CPT1B: variants seen among roughly 807,000 people sequenced by gnomAD.
The protein encoded by CPT1B is carnitine O-palmitoyltransferase 1, muscle isoform.
A neutral mutation model predicts 92.7 loss-of-function variants in CPT1B; 57 were observed. The ratio of observed to expected loss-of-function variants is 0.62; its 90% CI spans 0.50 to 0.77. CPT1B has a LOEUF of 0.77. Ranked by LOEUF, CPT1B falls within the 30% of genes least tolerant of loss-of-function variation. CPT1B has a pLI of 0.00. For synonymous variants in CPT1B, 398 were observed against 383.5 expected, an observed-to-expected ratio of 1.04 and a Z score of -0.44; for missense variants, 983 against 1,017.4, an observed-to-expected ratio of 0.97 and a Z score of 0.46.
In CPT1B at chr22:50,572,054, G is replaced by C; in HGVS notation, c.1527C>G (p.Asn509Lys). ...GCCGTGTAGGAGGTGCGAGCGCAGG[G>C]TTCGGTTTGCCCAGGCAGTGCCCGG... Reference protein sequence around the residue: ...TETGHCLGKPNPALAPPTRLQ... With the variant: ...TETGHCLGKPKPALAPPTRLQ... Residue 509 changes from asparagine (N) to lysine (K), a missense_variant, in exon 13 of 20, where the codon AAC (asparagine) becomes AAG (lysine). Asn to Lys is a moderately conservative substitution (Grantham distance 94). Coordinates refer to ENST00000312108, the MANE Select transcript of CPT1B (RefSeq NM_152246.3). The C allele has an allele frequency of 6.2e-7, 1 of 1,614,158 alleles. No individual in the cohort carries two copies. The highest frequency in any genetic ancestry group is 8.5e-7 in the Non-Finnish European group (1 of 1,180,006).
chr22:50,573,089 G>A lies in CPT1B; in HGVS notation c.1167-29C>T. On this transcript the variant is annotated intron_variant, in intron 10 of 19. Coordinates refer to ENST00000312108, the MANE Select transcript of CPT1B (RefSeq NM_152246.3). The surrounding 1 kb of genome is among the most constrained non-coding windows in gnomAD (Gnocchi z 5.0). ...AAGCATGGGGCAGGGTAAGCAGTGG[G>A]CACGTGGACTTGGGATGAGGGTGCC... is the stretch of plus-strand genomic sequence containing the variant. The A allele has an allele frequency of 6.4e-7, 1 of 1,570,806 alleles. No homozygotes were observed. Among genetic ancestry groups the A allele is most frequent in the Non-Finnish European group, 8.7e-7 (1 of 1,149,630 alleles).
Position 50,573,792 on chromosome 22 carries a change from G to A in CPT1B, c.971-77C>T, listed in dbSNP as rs569111354. On this transcript the variant is annotated intron_variant, in intron 9 of 19. Transcript: ENST00000312108. This position sits in a 1 kb window ranked among gnomAD's most constrained non-coding sequence, Gnocchi z 5.0. Reference sequence around the variant, plus strand: ...GGAAGGGCCCACCTCCCATGCACTAGGTGACCCCTGCAGACCCTGTTTTGC... The same window carrying A: ...GGAAGGGCCCACCTCCCATGCACTAAGTGACCCCTGCAGACCCTGTTTTGC... 2.1e-5 allele frequency: 28 copies of A among 1,336,302 alleles called. No individual in the cohort carries two copies. The East Asian group carries it at 6.9e-4, about 33-fold the overall frequency. The allele number at this position is 1,336,302 out of a possible 1,614,324, so 82.8% of individuals were successfully genotyped here.
At chr22:50,572,422 C>G (rs1439796197) in intron 11 of CPT1B, 114 bp from the exon 12 acceptor site, 7 of 676,960 alleles carry the variant, frequency 1.0e-5, no homozygotes, top group Admixed American at 2.8e-5. Flanking sequence ...CTCTTTTTCT[C>G]TCACTTTTTT....
In CPT1B at chr22:50,577,883, C is replaced by T. The variant is rs1270061398; in HGVS notation, c.33G>A (p.Gln11=). Reference sequence around the variant, plus strand: ...CGACCCCGTCTGGGGTCACCGTGAACTGGAAGGCCACGGCCTGGTGAGCTT... The same window carrying T: ...CGACCCCGTCTGGGGTCACCGTGAATTGGAAGGCCACGGCCTGGTGAGCTT... MAEAHQAVAF[Q]FTVTPDGVDF... The change falls in exon 2 of 20, where the codon CAG becomes CAA. Residue 11 remains glutamine (Q), a synonymous_variant. Coordinates refer to ENST00000312108, the MANE Select transcript of CPT1B (RefSeq NM_152246.3). 1 of 1,613,112 alleles carries T rather than the reference C, an allele frequency of 6.2e-7. No individual in the cohort carries two copies. The highest frequency in any genetic ancestry group is 8.5e-7 in the Non-Finnish European group (1 of 1,179,584).
rs967957286 is a variant in CPT1B at position 50,577,771 on chromosome 22, G to A, written c.141+4C>T. The A allele has an allele frequency of 1.2e-6, 2 of 1,612,666 alleles. No individual in the cohort carries two copies. The highest frequency in any genetic ancestry group is 1.3e-5 in the African/African-American group (1 of 75,048). On this transcript the variant is annotated splice_donor_region_variant and intron_variant, in intron 2 of 19. Coordinates refer to ENST00000312108, the MANE Select transcript of CPT1B (RefSeq NM_152246.3). ...TACGCTCTGGGAGAAGCACCTGTGC[G>A]CACCTTGATGCGGATCAGGCGTTTC...
rs2070424520 is a variant in CPT1B at position 50,576,176 on chromosome 22, G to A, written c.699+22C>T. 2.5e-6 allele frequency: 4 copies of A among 1,613,966 alleles called. No homozygotes were observed. In the African/African-American group the frequency reaches 4.0e-5, roughly 16 times the overall value. On this transcript the variant is annotated intron_variant, in intron 6 of 19. Coordinates refer to ENST00000312108, the MANE Select transcript of CPT1B (RefSeq NM_152246.3). ...GCCAGGACACATGGCAGGTGACAGT[G>A]AGCCCAGGGGCAGGAACTTACATAG...
At chr22:50,574,668 A>G (rs2070352450) in intron 7 of CPT1B, 68 bp from the exon 8 acceptor site, 3 of 1,271,396 alleles carry the variant, frequency 2.4e-6, no homozygotes, top group South Asian at 1.2e-5. Flanking sequence ...TGCTGACCCA[A>G]GGACCAATCT....
rs769269133 is a variant in CPT1B, at chr22:50,569,618, C to G, written c.2193G>C (p.Thr731=). 8 of 1,613,894 alleles carry G rather than the reference C, an allele frequency of 5.0e-6. No individual in the cohort carries two copies. The highest frequency in any genetic ancestry group is 6.8e-6 in the Non-Finnish European group (8 of 1,180,018). The stretch of plus-strand genomic sequence containing the variant: ...ACTTGCTGGAGATGTGGAAGAAGAT[C>G]GTGTTCTCGCCTGCAATCATGTAGG... The part of the protein sequence containing the change: ...GVSYMIAGEN[T]IFFHISSKFS... The change falls in exon 18 of 20, where the codon ACG becomes ACC. Residue 731 remains threonine (T), a synonymous_variant. Transcript: ENST00000312108.
chr22:50,575,036 A>AC (rs1399815993), intron 7 of CPT1B: 1 of 151,542 alleles, frequency 6.6e-6, no homozygotes, highest in Non-Finnish European at 1.5e-5. Flanking sequence ...TTTCTGAGAT[A>AC]GAGTCTCGCT....
intron 9 of CPT1B, 24 bp downstream of exon 9, chr22:50,574,311 G>A (rs1182479729): frequency 6.3e-7 from 1 of 1,592,132 alleles, no homozygotes; most frequent in Admixed American, 1.8e-5. Context: ...TGGCCCACAG[G>A]TAGCAGCGAG....
chr22:50,577,667 G>A, intron 2 of CPT1B, 108 bp downstream of exon 2: 1 of 1,504,096 alleles, frequency 6.6e-7, no homozygotes, highest in Non-Finnish European at 9.1e-7. Flanking sequence ...TCCACAACCT[G>A]TACCGGGCAG....
At chr22:50,574,630 G>A (rs781303732) in intron 7 of CPT1B, 30 bp from the exon 8 acceptor site, 2 of 1,592,106 alleles carry the variant, frequency 1.3e-6, no homozygotes, top group East Asian at 2.2e-5. Flanking sequence ...GCGGGGTGGG[G>A]GCCTCTGTCT....
rs143499448 is a variant in CPT1B at position 50,571,427 on chromosome 22, C to T, written c.1688G>A (p.Arg563Gln). 343 of 1,613,870 alleles carry T rather than the reference C, an allele frequency of 2.1e-4. 1 individual carries two copies. The African/African-American group carries it at 3.9e-3, about 18-fold the overall frequency. Residue 563 changes from arginine to glutamine, a missense_variant, in exon 14 of 20, where the codon CGG becomes CAG. By Grantham distance (43) the Arg-to-Gln change is conservative. Transcript: ENST00000312108. ...PFGKGLIKKC[R>Q]TSPDAFVQIA... Reference sequence around the variant, plus strand: ...CTGCACAAAGGCATCAGGGCTGGTCCGGCACTTCTTGATGAGGCCTTTGCC... The same window carrying T: ...CTGCACAAAGGCATCAGGGCTGGTCTGGCACTTCTTGATGAGGCCTTTGCC...
Position 50,572,933 on chromosome 22 carries a change from C to T in CPT1B, c.1294G>A (p.Asp432Asn). ...CCATAGAGGCTGAGGCTGGCCTCAT[C>T]TTCGGGGTCATAGGAGTAGGATTCC... ...DEESYSYDPEDEASLSLYGKA... is the reference protein window; with the variant it reads ...DEESYSYDPENEASLSLYGKA... Residue 432 changes from aspartate to asparagine, a missense_variant, in exon 11 of 20, where the codon GAT becomes AAT. Transcript: ENST00000312108. 1.2e-6 allele frequency: 2 copies of T among 1,613,734 alleles called. No individual in the cohort carries two copies. The highest frequency in any genetic ancestry group is 1.7e-6 in the Non-Finnish European group (2 of 1,179,760).
chr22:50,576,329 C>G lies in CPT1B; in HGVS notation c.568G>C (p.Glu190Gln), dbSNP rs757723879. ...TCATCCAACAAGGGGCGCACAGACT[C>G]TAGGTACTGTCCAGCCAGTTATCAT... ...RVSATIQRYL[E>Q]SVRPLLDDEE... The change falls in exon 6 of 20, where the codon GAG becomes CAG. Residue 190 changes from glutamate (E) to glutamine (Q), a missense_variant. Coordinates refer to ENST00000312108, the MANE Select transcript of CPT1B (RefSeq NM_152246.3). 4.0e-5 allele frequency: 64 copies of G among 1,613,950 alleles called. No homozygotes were observed. Among genetic ancestry groups the G allele is most frequent in the South Asian group, 9.9e-5 (9 of 91,080 alleles).
Position 50,573,816 on chromosome 22 carries a change from G to C in CPT1B, c.971-101C>G. Reference sequence around the variant, plus strand: ...AGGTGACCCCTGCAGACCCTGTTTTGCTCGGCCTCTGCCTGGGCCTTCCTG... The same window carrying C: ...AGGTGACCCCTGCAGACCCTGTTTTCCTCGGCCTCTGCCTGGGCCTTCCTG... On this transcript the variant is annotated intron_variant, in intron 9 of 19. Coordinates refer to ENST00000312108, the MANE Select transcript of CPT1B (RefSeq NM_152246.3). The surrounding 1 kb of genome is among the most constrained non-coding windows in gnomAD (Gnocchi z 5.0). 1 of 1,107,988 alleles carries C rather than the reference G, an allele frequency of 9.0e-7. No individual in the cohort carries two copies. Among genetic ancestry groups the C allele is most frequent in the Non-Finnish European group, 1.3e-6 (1 of 742,648 alleles). The allele number at this position is 1,107,988 out of a possible 1,614,324, so 68.6% of individuals were successfully genotyped here. A position where few individuals can be genotyped will look rare whatever the true frequency, so the allele number is the denominator to read the frequency against.
At chr22:50,577,106 G>A (rs1434981624) in intron 3 of CPT1B, 72 bp from the exon 4 acceptor site, 2 of 1,542,554 alleles carry the variant, frequency 1.3e-6, no homozygotes, top group African/African-American at 1.4e-5. Context: ...ACTGTCTCAG[G>A]GGAGACACCA....
chr22:50,571,572 A>G (rs765444374), intron 13 of CPT1B, 33 bp from the exon 14 acceptor site: 3 of 1,603,128 alleles, frequency 1.9e-6, no homozygotes, highest in Non-Finnish European at 2.5e-6. Flanking sequence ...AGCTGAGGGT[A>G]GGGCTCTCCA....
At chr22:50,577,484 C>G (rs375944324) in intron 2 of CPT1B, 21 bp from the exon 3 acceptor site, 6 of 1,612,312 alleles carry the variant, frequency 3.7e-6, no homozygotes, top group East Asian at 4.5e-5. Flanking sequence ...AAACAGGCGC[C>G]CTTATGGAGC....
Sources: allele counts gnomAD v4.1 joint callset, GRCh38; gene constraint gnomAD v4.1.1; non-coding constraint Gnocchi (gnomAD v3.1); transcripts MANE v1.5; gene names NCBI Gene and HGNC (gene_info 2026-07-23, HGNC 2026-07-21).